Variants in TBXAS1 observed in about 807,000 individuals in gnomAD.
TBXAS1 encodes the protein thromboxane A synthase 1.
A neutral mutation model predicts 60.7 loss-of-function variants in TBXAS1; 48 were observed. The observed-to-expected ratio is 0.79, with a 90% confidence interval of 0.63 to 1.01. The LOEUF (loss-of-function observed/expected upper bound fraction) is 1.01, where lower values mean the gene tolerates loss of function less well. Among genes scored for constraint, TBXAS1 ranks in the 50% least tolerant of loss-of-function variants. The pLI, the probability that TBXAS1 is intolerant of heterozygous loss-of-function variation, is 0.00. For synonymous variants in TBXAS1, 287 were observed against 269.7 expected (o/e 1.06, Z -0.63); for missense variants, 685 against 686.3 (o/e 1.00, Z 0.02).
At chr7:140,015,002 C>T (rs1301857634) in intron 10 of TBXAS1, among the ~76,000 whole-genome samples, 5 of 151,792 alleles carry the variant, frequency 3.3e-5, no homozygotes, top group African/African-American at 4.8e-5. Context: ...TCTGGGTAAA[C>T]GATACATGGG....
chr7:139,945,812 G>A (rs969041674), intron 5 of TBXAS1, among the ~76,000 whole-genome samples: 1 of 152,186 alleles, frequency 6.6e-6, no homozygotes, highest in Non-Finnish European at 1.5e-5. Context: ...GAGGGCTGAG[G>A]CCAGAGGGAT....
chr7:139,933,785 T>G (rs1385962750), intron 4 of TBXAS1, among the ~76,000 whole-genome samples: 1 of 152,184 alleles, frequency 6.6e-6, no homozygotes, highest in Non-Finnish European at 1.5e-5. Context: ...AACAGTGAAA[T>G]GAAATAGCAT....
At chr7:139,933,818 T>G (rs1213699995) in intron 4 of TBXAS1, among the ~76,000 whole-genome samples, 1 of 147,016 alleles carries the variant, frequency 6.8e-6, no homozygotes, top group Non-Finnish European at 1.5e-5. Flanking sequence ...CATGTGGTTC[T>G]GAGACTGCTT....
intron 4 of TBXAS1, among the ~76,000 whole-genome samples, chr7:139,917,655 T>G (rs575924535): frequency 4.1e-4 from 62 of 152,362 alleles, no homozygotes; most frequent in African/African-American, 1.4e-3. Context: ...TTAAAAGTAC[T>G]GAGTGTCTTG....
In TBXAS1 at chr7:139,891,402, G is replaced by A. The variant is rs542548994; in HGVS notation, c.236+15765G>A. ...CAATAACATCCCTGAGAGTTTGGCC[G>A]GGCTAGTTGCATTATCCTCAATCAT... On this transcript the variant is annotated intron_variant, in intron 3 of 12. Coordinates refer to ENST00000448866, the MANE Select transcript of TBXAS1 (RefSeq NM_001061.7). Among the ~76,000 whole-genome samples the A allele has an allele frequency of 9.2e-5, 14 of 152,084 alleles. No individual in the cohort carries two copies. The South Asian group carries it at 1.0e-3, about 11-fold the overall frequency.
rs192232892 is a variant in TBXAS1 at position 139,942,249 on chromosome 7, C to T, written c.450+5942C>T. ...AGTCAAATAATTTGGTGAAATATTACAAACTATATTCTTCAAGATTCACCA... is the reference window on the plus strand; with the variant it reads ...AGTCAAATAATTTGGTGAAATATTATAAACTATATTCTTCAAGATTCACCA... On this transcript the variant is annotated intron_variant, in intron 5 of 12. Transcript: ENST00000448866. 4.8e-3 allele frequency among the ~76,000 whole-genome samples: 735 copies of T among 152,282 alleles called. 2 individuals are homozygous for T. The highest frequency in any genetic ancestry group is 7.6e-3 in the Non-Finnish European group (518 of 68,016).
At chr7:139,977,939 T>C (rs1200064100) in intron 9 of TBXAS1, among the ~76,000 whole-genome samples, 1 of 152,180 alleles carries the variant, frequency 6.6e-6, no homozygotes, top group Admixed American at 6.5e-5. Flanking sequence ...CCTAGAAGCA[T>C]CTGATGAAAG....
chr7:139,866,305 G>A (rs59445537), intron 1 of TBXAS1, among the ~76,000 whole-genome samples: 4 of 152,016 alleles, frequency 2.6e-5, no homozygotes, highest in South Asian at 2.1e-4. Context: ...TAGAAAACAC[G>A]CTAAGTATTT....
chr7:139,794,459 C>T (rs1206186520), intron 4 of TBXAS1, among the ~76,000 whole-genome samples: 2 of 151,662 alleles, frequency 1.3e-5, no homozygotes, highest in Non-Finnish European at 2.9e-5. Flanking sequence ...GTGTAGATAT[C>T]TTCTGGACTT....
At position 139,936,227 on chromosome 7, in the gene TBXAS1, G is replaced by A. The variant is rs8192833; in HGVS notation, c.370G>A (p.Val124Ile). 128 of 1,614,178 alleles carry A rather than the reference G, an allele frequency of 7.9e-5. No homozygotes were observed. The Middle Eastern group carries it at 1.2e-3, about 15-fold the overall frequency. ...GGAGTTCAAGTCGGTAGCCGACAGC[G>A]TTCTGTTTTTACGTGACAAAAGATG... ...GLEFKSVADS[V>I]LFLRDKRWEE... is the part of the protein sequence containing the mutation. Residue 124 changes from valine to isoleucine, a missense_variant, in exon 5 of 13, where the codon GTT (valine) becomes ATT (isoleucine). Coordinates refer to ENST00000448866, the MANE Select transcript of TBXAS1 (RefSeq NM_001061.7).
At chr7:139,908,431 C>T (rs1377521104) in intron 3 of TBXAS1, among the ~76,000 whole-genome samples, 2 of 151,824 alleles carry the variant, frequency 1.3e-5, no homozygotes, top group African/African-American at 4.8e-5. Flanking sequence ...TTTTTCTTAC[C>T]TTTTTGTGGA....
At chr7:139,965,233 C>CCA (rs1305526971) in intron 9 of TBXAS1, among the ~76,000 whole-genome samples, 6 of 151,502 alleles carry the variant, frequency 4.0e-5, no homozygotes, top group African/African-American at 1.5e-4. Context: ...AAAAAAAGGA[C>CCA]CACATGTTAT....
chr7:139,844,105 T>C (rs4725857), intron 1 of TBXAS1, among the ~76,000 whole-genome samples: 95,293 of 151,986 alleles, frequency 0.63, 31,075 homozygotes, highest in East Asian at 0.89. Context: ...AGCAAGACTG[T>C]AAAAGGAGGG....
At chr7:139,839,518 G>A (rs780475092) in intron 1 of TBXAS1, among the ~76,000 whole-genome samples, 5 of 152,010 alleles carry the variant, frequency 3.3e-5, no homozygotes, top group Admixed American at 6.6e-5. Context: ...CCAAGACCCA[G>A]AGGTACATAA....
At chr7:139,911,385 G>A (rs1805507912) in intron 4 of TBXAS1, 64 bp downstream of exon 4, 2 of 1,411,568 alleles carry the variant, frequency 1.4e-6, no homozygotes, top group South Asian at 1.2e-5. Flanking sequence ...GACACTGCAT[G>A]TCAGATCCAA....
intron 1 of TBXAS1, among the ~76,000 whole-genome samples, chr7:139,851,741 C>T (rs1380294350): frequency 1.3e-5 from 2 of 152,188 alleles, no homozygotes; most frequent in African/African-American, 2.4e-5. Flanking sequence ...CAAGGTGAAA[C>T]TTTGGAAAAG....
intron 10 of TBXAS1, among the ~76,000 whole-genome samples, chr7:140,012,782 G>A (rs1049527837): frequency 2.0e-5 from 3 of 152,150 alleles, no homozygotes; most frequent in African/African-American, 4.8e-5. Context: ...TCTTGAGAGC[G>A]TGTGCTCAAC....
At chr7:139,853,886 T>C (rs1485360526) in intron 1 of TBXAS1, among the ~76,000 whole-genome samples, 1 of 152,080 alleles carries the variant, frequency 6.6e-6, no homozygotes, top group Non-Finnish European at 1.5e-5. Flanking sequence ...TCATCCCCAG[T>C]AGGGAATCAG....
intron 4 of TBXAS1, among the ~76,000 whole-genome samples, chr7:139,799,160 C>G (rs2116347934): frequency 6.7e-6 from 1 of 150,114 alleles, no homozygotes; most frequent in South Asian, 2.1e-4. Context: ...CTTCCACTTC[C>G]TGGGCTCAAG....
Sources: gnomAD v4.1 joint callset for allele counts (sites outside exome capture counted in the v4.1 genomes callset) on GRCh38, gnomAD v4.1.1 for gene constraint, MANE v1.5 for transcripts, NCBI Gene and HGNC (gene_info 2026-07-23, HGNC 2026-07-21) for gene names.